Variants in COX4I1 observed in about 807,000 individuals in gnomAD.
COX4I1 encodes cytochrome c oxidase subunit 4 isoform 1, mitochondrial.
In COX4I1, 18 loss-of-function variants were observed where a neutral mutation model predicts 21.7. The ratio of observed to expected loss-of-function variants is 0.83; its 90% CI spans 0.57 to 1.23. The LOEUF (loss-of-function observed/expected upper bound fraction) is 1.23, where lower values mean the gene tolerates loss of function less well. COX4I1 is among the 50% of genes most tolerant of loss of function. COX4I1 has a pLI of 0.00. For missense variants in COX4I1, 238 were observed against 220.7 expected (o/e 1.08, Z -0.50); for synonymous variants, 100 against 81.5 (o/e 1.23, Z -1.23).
intron 3 of COX4I1, chr16:85,805,312 G>GAA: frequency 1.8e-6 from 1 of 561,622 alleles, no homozygotes. Flanking sequence ...CTTTTGCTAG[G>GAA]CCCCCTTCTC....
At chr16:85,805,543 C>T (rs1226614420) in intron 3 of COX4I1, 190 bp from the exon 4 acceptor site, 4 of 740,158 alleles carry the variant, frequency 5.4e-6, no homozygotes, top group African/African-American at 5.3e-5. Flanking sequence ...CTTTCCTTGC[C>T]CTGTCACATG....
intron 3 of COX4I1, 134 bp from the exon 4 acceptor site, chr16:85,805,599 G>T: frequency 7.7e-7 from 1 of 1,302,562 alleles, no homozygotes; most frequent in East Asian, 2.4e-5. Flanking sequence ...ACATGATGTG[G>T]CCTGGGTTGG....
Position 85,805,008 on chromosome 16 carries a change from G to A in COX4I1, c.145G>A (p.Val49Met). The change falls in exon 3 of 5, where the codon GTG (valine) becomes ATG (methionine). Residue 49 changes from valine to methionine, a missense_variant. Physicochemically the swap from Val to Met is conservative, Grantham distance 21. Coordinates refer to ENST00000253452, the MANE Select transcript of COX4I1 (RefSeq NM_001861.6). ...TCGGCGTGACCACCCCTTGCCGGAGGTGGCCCATGTCAAGCACCTGTCTGC... is the reference window on the plus strand; with the variant it reads ...TCGGCGTGACCACCCCTTGCCGGAGATGGCCCATGTCAAGCACCTGTCTGC... ...MDRRDHPLPE[V>M]AHVKHLSASQ... 4 of 1,614,182 alleles carry A rather than the reference G, an allele frequency of 2.5e-6. No homozygotes were observed. The highest frequency in any genetic ancestry group is 2.2e-5 in the South Asian group (2 of 91,088).
chr16:85,806,116 C>T lies in COX4I1; in HGVS notation c.373+252C>T, dbSNP rs570226938. On this transcript the variant is annotated intron_variant, in intron 4 of 4. Coordinates refer to ENST00000253452, the MANE Select transcript of COX4I1 (RefSeq NM_001861.6). ...GGTGAAATACCTTAACTACTTTGTA[C>T]AGCACACCACGTTTTCAGTAGCAAT... is the stretch of plus-strand genomic sequence containing the variant. The T allele has an allele frequency of 1.0e-4, 60 of 593,692 alleles. No individual in the cohort carries two copies. The South Asian group carries it at 1.2e-3, about 12-fold the overall frequency. 36.8% of individuals were successfully genotyped at this position (593,692 alleles called of 1,614,324 possible).
chr16:85,805,138 C>T, intron 3 of COX4I1, 34 bp downstream of exon 3: 4 of 1,590,554 alleles, frequency 2.5e-6, no homozygotes, highest in Non-Finnish European at 2.6e-6. Context: ...GCGCGCCCAG[C>T]AGCTCTCGGA....
At chr16:85,805,214 A>T in intron 3 of COX4I1, 110 bp downstream of exon 3, 3 of 1,167,832 alleles carry the variant, frequency 2.6e-6, no homozygotes, top group Non-Finnish European at 2.3e-6. Flanking sequence ...CTTGCACAGG[A>T]GGGTTGCTCT....
intron 2 of COX4I1, among the ~76,000 whole-genome samples, chr16:85,802,543 G>C (rs2599080): frequency 0.97 from 148,474 of 152,286 alleles, 72,481 homozygotes; most frequent in Middle Eastern, 1. Flanking sequence ...ATACATGAAT[G>C]TGTTCTCAAC....
In COX4I1 at chr16:85,804,958, A is replaced by G; in HGVS notation, c.95A>G (p.Asp32Gly). ...TCAGAAAGTGTTGTGAAGAGCGAAG[A>G]CTTTTCGCTCCCAGCTTATATGGAT... The part of the protein sequence containing the change: ...RAHESVVKSE[D>G]FSLPAYMDRR... The change falls in exon 3 of 5, where the codon GAC becomes GGC. Residue 32 changes from aspartate (D) to glycine (G), a missense_variant. Asp to Gly is a moderately conservative substitution (Grantham distance 94). Transcript: ENST00000253452. The G allele has an allele frequency of 6.2e-7, 1 of 1,609,370 alleles. No homozygotes were observed. Among genetic ancestry groups the G allele is most frequent in the Non-Finnish European group, 8.5e-7 (1 of 1,178,586 alleles).
At position 85,802,988 on chromosome 16, in the gene COX4I1, C is replaced by G. The variant is rs142411703; in HGVS notation, c.73+1710C>G. The G allele has an allele frequency of 1.8e-3, 277 of 152,286 alleles. 2 individuals carry two copies. Among genetic ancestry groups the G allele is most frequent in the African/African-American group, 6.5e-3 (268 of 41,550 alleles). 9.4% of individuals were successfully genotyped at this position (152,286 alleles called of 1,614,324 possible). On this transcript the variant is annotated intron_variant, in intron 2 of 4. Coordinates refer to ENST00000253452, the MANE Select transcript of COX4I1 (RefSeq NM_001861.6). The stretch of plus-strand genomic sequence containing the variant: ...CAAGATGTAATTCATATAACAGTCA[C>G]CCATTTAAAGTGTATGCTCCAGTGG...
chr16:85,806,493 T>C (rs1374601208), intron 4 of COX4I1: 3 of 708,880 alleles, frequency 4.2e-6, no homozygotes, highest in Non-Finnish European at 5.1e-6. Context: ...CTGTTATCCA[T>C]AGCCTTTAGA....
In COX4I1 at chr16:85,806,619, G is replaced by T. The variant is rs1906224181; in HGVS notation, c.374-119G>T. 3 of 1,437,740 alleles carry T rather than the reference G, an allele frequency of 2.1e-6. No individual in the cohort carries two copies. The Admixed American group carries it at 5.1e-5, about 24-fold the overall frequency. The allele number at this position is 1,437,740 out of a possible 1,614,324, so 89.1% of individuals were successfully genotyped here. A position where few individuals can be genotyped will look rare whatever the true frequency, so the allele number is the denominator to read the frequency against. On this transcript the variant is annotated intron_variant, in intron 4 of 4. Transcript: ENST00000253452. ...CCGTGTGTTTGAGCGGGTGTTGAGT[G>T]GCAGGTGGCTCTGCTGACCTGGTGG...
chr16:85,800,608 G>C (rs1300556655), intron 1 of COX4I1, among the ~76,000 whole-genome samples: 1 of 152,148 alleles, frequency 6.6e-6, no homozygotes, highest in Non-Finnish European at 1.5e-5. Flanking sequence ...GAGTCACCTT[G>C]TTAGCATTTT....
At chr16:85,805,994 A>T in intron 4 of COX4I1, 130 bp downstream of exon 4, 1 of 1,325,930 alleles carries the variant, frequency 7.5e-7, no homozygotes, top group Non-Finnish European at 1.0e-6. Flanking sequence ...AGTTCATCTC[A>T]GGATTGTTTC....
At chr16:85,801,622 C>G (rs142639416) in intron 2 of COX4I1, among the ~76,000 whole-genome samples, 3 of 152,266 alleles carry the variant, frequency 2.0e-5, no homozygotes, top group Non-Finnish European at 4.4e-5. Flanking sequence ...CAACTCCCAA[C>G]CATTTGCATC....
In COX4I1 at chr16:85,800,376, G is replaced by A. The variant is rs1039407009; in HGVS notation, c.-2+624G>A. On this transcript the variant is annotated intron_variant, in intron 1 of 4. Transcript: ENST00000253452. The stretch of plus-strand genomic sequence containing the variant: ...GGCCCGGGTGAGGGGGGGTCTCATA[G>A]GTTTTCCGCTCTCCTCAGGGATTGG... Among the ~76,000 whole-genome samples, 7 of 152,342 alleles carry A rather than the reference G, an allele frequency of 4.6e-5. No individual in the cohort carries two copies. In the South Asian group the frequency reaches 1.2e-3, roughly 27 times the overall value.
chr16:85,805,456 C>T, intron 3 of COX4I1: 1 of 570,538 alleles, frequency 1.8e-6, no homozygotes, highest in South Asian at 2.2e-5. Flanking sequence ...ATTAAATAGA[C>T]CCTAATACTG....
At chr16:85,806,465 G>C (rs757263492) in intron 4 of COX4I1, 5 of 704,034 alleles carry the variant, frequency 7.1e-6, no homozygotes, top group African/African-American at 7.0e-5. Context: ...GGTCACCTTG[G>C]GCTCTGTTTG....
At chr16:85,800,649 C>T (rs546432216) in intron 1 of COX4I1, among the ~76,000 whole-genome samples, 4 of 152,242 alleles carry the variant, frequency 2.6e-5, no homozygotes, top group African/African-American at 9.6e-5. Context: ...TTGAGACGGA[C>T]TCTTGCTCTG....
chr16:85,800,751 G>A (rs1263267472), intron 1 of COX4I1, among the ~76,000 whole-genome samples: 1 of 152,126 alleles, frequency 6.6e-6, no homozygotes, highest in Admixed American at 6.5e-5. Flanking sequence ...AGCCTCCCAA[G>A]TAGCGGGGAT....
Sources: gnomAD v4.1 joint callset for allele counts (sites outside exome capture counted in the v4.1 genomes callset) on GRCh38, gnomAD v4.1.1 for gene constraint, MANE v1.5 for transcripts, NCBI Gene and HGNC (gene_info 2026-07-23, HGNC 2026-07-21) for gene names.